SLCO2A1: variants seen among roughly 807,000 people sequenced by gnomAD.
SLCO2A1 encodes the protein matrin F/G 1.
A neutral mutation model predicts 71.7 loss-of-function variants in SLCO2A1; 60 were observed. The observed-to-expected ratio is 0.84, with a 90% CI of 0.68 to 1.04. The LOEUF (loss-of-function observed/expected upper bound fraction) is 1.04. Ranked by LOEUF, SLCO2A1 falls within the 50% of genes least tolerant of loss-of-function variation. The probability of loss-of-function intolerance (pLI) is 0.00; values close to 1 mark genes in which losing one functional copy is unlikely to be tolerated. For synonymous variants in SLCO2A1, 308 were observed against 326.7 expected (o/e 0.94, Z 0.62); for missense variants, 745 against 813.4 (o/e 0.92, Z 1.02).
chr3:134,011,768 C>G (rs906576205), intron 1 of SLCO2A1, among the ~76,000 whole-genome samples: 1 of 152,198 alleles, frequency 6.6e-6, no homozygotes, highest in Non-Finnish European at 1.5e-5. Context: ...TTTCTACTTC[C>G]TCCAGAGAGA....
chr3:133,948,448 C>T (rs552559352), intron 8 of SLCO2A1, 88 bp downstream of exon 8: 1 of 1,412,634 alleles, frequency 7.1e-7, no homozygotes, highest in Non-Finnish European at 9.7e-7. Context: ...TCCGGTCTGG[C>T]CTGCGCCCAT....
chr3:134,016,126 G>C (rs1935450788), intron 1 of SLCO2A1, among the ~76,000 whole-genome samples: 1 of 152,126 alleles, frequency 6.6e-6, no homozygotes. Flanking sequence ...AAGGTTTGGT[G>C]AAGAGTTCTT....
chr3:133,934,803 CT>C lies in SLCO2A1; in HGVS notation c.1841del (p.Lys614ArgfsTer15), dbSNP rs1296250597. ...AGCAAAGCAGCAGCATGCCCAGCGCCTTGTAGCCCATCTGCAGGCCCAGGTA... is the reference window on the plus strand; with the variant it reads ...AGCAAAGCAGCAGCATGCCCAGCGCCTGTAGCCCATCTGCAGGCCCAGGTA... Reference protein sequence around the residue: ...DRYLGLQMGYKALGMLLLCFI... With the variant: ...DRYLGLQMGYXALGMLLLCFI... On this transcript the variant is annotated frameshift_variant, in exon 14 of 14. Coordinates refer to ENST00000310926, the MANE Select transcript of SLCO2A1 (RefSeq NM_005630.3). LOFTEE classifies it high-confidence loss of function. 2 of 1,611,992 alleles carry C rather than the reference CT, an allele frequency of 1.2e-6. No homozygotes were observed. The highest frequency in any genetic ancestry group is 1.7e-6 in the Non-Finnish European group (2 of 1,179,946).
At chr3:133,974,303 ACAAG>A (rs1934401622) in intron 2 of SLCO2A1, among the ~76,000 whole-genome samples, 1 of 152,242 alleles carries the variant, frequency 6.6e-6, no homozygotes, top group African/African-American at 2.4e-5. Flanking sequence ...GGCCAGAATA[ACAAG>A]CAAGCAACAT....
Position 133,988,989 on chromosome 3 carries a change from T to G in SLCO2A1, c.97-9371A>C, listed in dbSNP as rs141909791. Among the ~76,000 whole-genome samples, 1,009 of 152,334 alleles carry G rather than the reference T, an allele frequency of 6.6e-3. 8 individuals carry two copies. The highest frequency in any genetic ancestry group is 0.017 in the Middle Eastern group (5 of 294). The stretch of plus-strand genomic sequence containing the variant: ...AAGGGAAAACCCCATCTTCCCACTC[T>G]GAGTAACAAAGGATCAAAGGCTACT... On this transcript the variant is annotated intron_variant, in intron 1 of 13. Coordinates refer to ENST00000310926, the MANE Select transcript of SLCO2A1 (RefSeq NM_005630.3).
At chr3:133,945,336 G>T in intron 9 of SLCO2A1, 76 bp from the exon 10 acceptor site, 1 of 1,401,960 alleles carries the variant, frequency 7.1e-7, no homozygotes, top group Non-Finnish European at 9.7e-7. Context: ...CCCAGTGTGA[G>T]TTCCTGGCCT....
At chr3:133,958,810 G>A (rs1430697940) in intron 3 of SLCO2A1, among the ~76,000 whole-genome samples, 1 of 152,136 alleles carries the variant, frequency 6.6e-6, no homozygotes, top group Non-Finnish European at 1.5e-5. Flanking sequence ...ACAAATCTTG[G>A]GTACACTGTG....
At chr3:133,996,718 G>A (rs1934974555) in intron 1 of SLCO2A1, among the ~76,000 whole-genome samples, 1 of 152,188 alleles carries the variant, frequency 6.6e-6, no homozygotes, top group African/African-American at 2.4e-5. Flanking sequence ...CATTCCAAAA[G>A]TGATGAGCAG....
At position 133,933,852 on chromosome 3, in the gene SLCO2A1, T is replaced by C. The variant is rs932473817; in HGVS notation, c.*861A>G. ...TTCCCATTACTCTGAGATGAGGGGG[T>C]CTCGTCCCCACATTGAAGGGGTGGG... On this transcript the variant is annotated 3_prime_UTR_variant, in exon 14 of 14. Coordinates refer to ENST00000310926, the MANE Select transcript of SLCO2A1 (RefSeq NM_005630.3). 6.6e-6 allele frequency: 1 copy of C among 151,926 alleles called. No individual in the cohort carries two copies. The highest frequency in any genetic ancestry group is 2.1e-4 in the South Asian group (1 of 4,806). The allele number at this position is 151,926 out of a possible 1,614,324, so 9.4% of individuals were successfully genotyped here. A position where few individuals can be genotyped will look rare whatever the true frequency, so the allele number is the denominator to read the frequency against.
intron 1 of SLCO2A1, among the ~76,000 whole-genome samples, chr3:134,006,180 C>A (rs947953753): frequency 6.6e-5 from 10 of 152,120 alleles, no homozygotes; most frequent in Admixed American, 2.0e-4. Context: ...CCTCAGCTGG[C>A]ACATGCTACC....
chr3:133,945,350 G>C (rs571603877), intron 9 of SLCO2A1, 90 bp from the exon 10 acceptor site: 1 of 1,266,358 alleles, frequency 7.9e-7, no homozygotes, highest in East Asian at 2.4e-5. Flanking sequence ...CTGGCCTGGT[G>C]AGTGTGTCTG....
At chr3:133,970,110 C>T (rs1214137534) in intron 3 of SLCO2A1, among the ~76,000 whole-genome samples, 1 of 152,198 alleles carries the variant, frequency 6.6e-6, no homozygotes, top group Non-Finnish European at 1.5e-5. Context: ...GTGCTTTCTC[C>T]TTTGGGATCC....
In SLCO2A1 at chr3:133,939,912, T is replaced by C. The variant is rs182471385; in HGVS notation, c.1626-1419A>G. 3.0e-3 allele frequency among the ~76,000 whole-genome samples: 461 copies of C among 152,076 alleles called. 1 individual carries two copies. Among genetic ancestry groups the C allele is most frequent in the African/African-American group, 0.01 (434 of 41,484 alleles). ...TTCCAGCTTGTGTTCCCATGGCTAA[T>C]TGGGGGCCAGGACTCATATAAATAA... is the stretch of plus-strand genomic sequence containing the variant. On this transcript the variant is annotated intron_variant, in intron 11 of 13. Transcript: ENST00000310926.
At chr3:133,950,164 A>G (rs1933703666) in intron 6 of SLCO2A1, among the ~76,000 whole-genome samples, 1 of 152,040 alleles carries the variant, frequency 6.6e-6, no homozygotes, top group Non-Finnish European at 1.5e-5. Flanking sequence ...GCTGGTTTAT[A>G]AGTAGCAGAG....
intron 1 of SLCO2A1, among the ~76,000 whole-genome samples, chr3:133,996,235 A>C (rs1179409869): frequency 6.6e-6 from 1 of 152,218 alleles, no homozygotes; most frequent in Non-Finnish European, 1.5e-5. Context: ...AGGCCCACCC[A>C]CCACCTTTGG....
chr3:133,945,385 G>T, intron 9 of SLCO2A1, 125 bp from the exon 10 acceptor site: 1 of 933,524 alleles, frequency 1.1e-6, no homozygotes, highest in Non-Finnish European at 1.6e-6. Flanking sequence ...TTTTGGGCCA[G>T]TGCCACCCTG....
chr3:133,948,850 C>G (rs1267715916), intron 7 of SLCO2A1, 43 bp downstream of exon 7: 1 of 1,603,180 alleles, frequency 6.2e-7, no homozygotes, highest in Non-Finnish European at 8.5e-7. Context: ...CTATCCCCTC[C>G]CCCGCACTGT....
chr3:133,989,378 G>A (rs2108063670), intron 1 of SLCO2A1, among the ~76,000 whole-genome samples: 2 of 152,254 alleles, frequency 1.3e-5, no homozygotes, highest in Non-Finnish European at 2.9e-5. Context: ...CCAAGGACCT[G>A]GACAACTCAT....
At chr3:133,992,270 CA>C (rs1286256977) in intron 1 of SLCO2A1, among the ~76,000 whole-genome samples, 6 of 152,214 alleles carry the variant, frequency 3.9e-5, no homozygotes, top group African/African-American at 7.2e-5. Flanking sequence ...TTTGATAAGA[CA>C]GGCTCCTGGG....
Sources: allele counts gnomAD v4.1 joint callset (sites outside exome capture counted in the v4.1 genomes callset), GRCh38; gene constraint gnomAD v4.1.1; transcripts MANE v1.5; gene names NCBI Gene and HGNC (gene_info 2026-07-23, HGNC 2026-07-21).